FBXL17: variants seen among roughly 807,000 people sequenced by gnomAD.
The protein encoded by FBXL17 is F-box/LRR-repeat protein 17.
A neutral mutation model predicts 66.2 loss-of-function variants in FBXL17; 22 were observed. That is an observed-to-expected ratio of 0.33 (90% confidence interval 0.24 to 0.47). The LOEUF (loss-of-function observed/expected upper bound fraction) is 0.47. Ranked by LOEUF, FBXL17 falls within the 20% of genes least tolerant of loss-of-function variation. The pLI is 1.00. For missense variants in FBXL17, 878 were observed against 948.2 expected, an observed-to-expected ratio of 0.93 and a Z score of 0.97; for synonymous variants, 474 against 400.5, an observed-to-expected ratio of 1.18 and a Z score of -2.19.
chr5:107,937,504 G>A lies in FBXL17; in HGVS notation c.1823-56325C>T, dbSNP rs559357016. Among the ~76,000 whole-genome samples, 8 of 152,226 alleles carry A rather than the reference G, an allele frequency of 5.3e-5. No individual in the cohort carries two copies. The East Asian group carries it at 1.4e-3, about 26-fold the overall frequency. On this transcript the variant is annotated intron_variant, in intron 7 of 8. Transcript: ENST00000542267. ...ACACAGAAAAACAGGCCATGATTAC[G>A]GATCTTACTGCAGAGTAAATCCAGT...
In FBXL17 at chr5:108,106,436, C is replaced by CAT. The variant is rs574873410; in HGVS notation, c.1745+79679_1745+79680dup. Among the ~76,000 whole-genome samples, 14 of 152,204 alleles carry CAT rather than the reference C, an allele frequency of 9.2e-5. No homozygotes were observed. In the South Asian group the frequency reaches 2.9e-3, roughly 32 times the overall value. On this transcript the variant is annotated intron_variant, in intron 6 of 8. Transcript: ENST00000542267. ...GGTATATATCCAAGAGAAATGGAAACATATGTCCACACCAAAATGTATATA... is the reference window on the plus strand; with the variant it reads ...GGTATATATCCAAGAGAAATGGAAACATATATGTCCACACCAAAATGTATATA...
At chr5:108,178,208 C>G (rs1056608686) in intron 6 of FBXL17, among the ~76,000 whole-genome samples, 2 of 151,854 alleles carry the variant, frequency 1.3e-5, no homozygotes, top group Non-Finnish European at 1.5e-5. Flanking sequence ...TCATGCCCGG[C>G]TATTTTTTAA....
At chr5:107,888,038 A>T (rs79916005) in intron 7 of FBXL17, among the ~76,000 whole-genome samples, 1,876 of 152,290 alleles carry the variant, frequency 0.012, 42 homozygotes, top group African/African-American at 0.04. Context: ...ACTTCTAATT[A>T]ATGTCCTTTC....
intron 6 of FBXL17, among the ~76,000 whole-genome samples, chr5:108,021,824 A>G (rs566410144): frequency 6.6e-6 from 1 of 152,006 alleles, no homozygotes; most frequent in East Asian, 1.9e-4. Flanking sequence ...GCACCCTTCA[A>G]TGCAGTCCCT....
intron 3 of FBXL17, among the ~76,000 whole-genome samples, chr5:108,351,308 C>A (rs1048653105): frequency 6.6e-6 from 1 of 152,098 alleles, no homozygotes; most frequent in Admixed American, 6.5e-5. Context: ...AAATCCTTAT[C>A]TTTGATACAA....
chr5:108,014,522 T>A (rs58805667), intron 7 of FBXL17, among the ~76,000 whole-genome samples: 17,810 of 152,162 alleles, frequency 0.12, 1,341 homozygotes, highest in East Asian at 0.18. Context: ...CTCAATAGAT[T>A]TGACATTTGT....
chr5:108,297,614 T>A (rs1758401796), intron 4 of FBXL17: 1 of 160,436 alleles, frequency 6.2e-6, no homozygotes, highest in Non-Finnish European at 1.3e-5. Context: ...AACGAGAATT[T>A]TAAGAATCAT....
intron 3 of FBXL17, among the ~76,000 whole-genome samples, chr5:108,361,933 A>G (rs1368095228): frequency 6.6e-6 from 1 of 152,126 alleles, no homozygotes; most frequent in Non-Finnish European, 1.5e-5. Flanking sequence ...ACTGTTGCCA[A>G]GCTGGGGAAT....
chr5:108,014,745 A>G (rs1238914131), intron 7 of FBXL17, among the ~76,000 whole-genome samples: 11 of 152,224 alleles, frequency 7.2e-5, no homozygotes. Context: ...GTCCGCTTTC[A>G]TGCTGCTGAT....
chr5:107,881,565 G>C (rs1203608526), intron 7 of FBXL17, among the ~76,000 whole-genome samples: 1 of 151,924 alleles, frequency 6.6e-6, no homozygotes, highest in East Asian at 1.9e-4. Flanking sequence ...TTTTAAAGAA[G>C]AACCCACGTA....
At chr5:108,316,004 T>C (rs562091527) in intron 4 of FBXL17, among the ~76,000 whole-genome samples, 1 of 151,636 alleles carries the variant, frequency 6.6e-6, no homozygotes, top group East Asian at 1.9e-4. Context: ...TGCACATACC[T>C]TGATGATGAG....
intron 6 of FBXL17, among the ~76,000 whole-genome samples, chr5:108,183,707 C>T (rs1022753252): frequency 1.3e-5 from 2 of 152,002 alleles, no homozygotes; most frequent in African/African-American, 4.8e-5. Context: ...AGTTTTTATC[C>T]CTCGCCCCCT....
intron 7 of FBXL17, among the ~76,000 whole-genome samples, chr5:107,914,448 G>A (rs764300827): frequency 6.6e-6 from 1 of 152,138 alleles, no homozygotes; most frequent in African/African-American, 2.4e-5. Flanking sequence ...ACAGGTGCAA[G>A]GAATATTTGC....
chr5:108,329,663 T>G (rs1580827217), intron 4 of FBXL17, among the ~76,000 whole-genome samples: 1 of 152,184 alleles, frequency 6.6e-6, no homozygotes, highest in Non-Finnish European at 1.5e-5. Flanking sequence ...CAAGTCATTG[T>G]AATGAGTACA....
chr5:108,068,184 G>A (rs543860272), intron 6 of FBXL17, among the ~76,000 whole-genome samples: 185 of 152,112 alleles, frequency 1.2e-3, no homozygotes, highest in African/African-American at 4.1e-3. Flanking sequence ...CTTTTATTGC[G>A]TATATGAAAT....
At chr5:108,257,602 G>C (rs540679893) in intron 4 of FBXL17, among the ~76,000 whole-genome samples, 1 of 152,202 alleles carries the variant, frequency 6.6e-6, no homozygotes, top group East Asian at 1.9e-4. Flanking sequence ...CAGCAGCTGT[G>C]ATGTAATCTT....
intron 6 of FBXL17, among the ~76,000 whole-genome samples, chr5:108,074,114 G>C (rs1748450142): frequency 6.6e-6 from 1 of 152,090 alleles, no homozygotes; most frequent in Non-Finnish European, 1.5e-5. Flanking sequence ...GTATAAAACT[G>C]TACCCCACTG....
chr5:107,892,949 TTC>T (rs1352675916), intron 7 of FBXL17, among the ~76,000 whole-genome samples: 1 of 152,218 alleles, frequency 6.6e-6, no homozygotes, highest in Admixed American at 6.5e-5. Flanking sequence ...ATTTTCTATA[TTC>T]TGTTTTCGAT....
intron 4 of FBXL17, among the ~76,000 whole-genome samples, chr5:108,250,947 A>G (rs1051128978): frequency 5.9e-5 from 9 of 152,196 alleles, no homozygotes; most frequent in African/African-American, 1.4e-4. Flanking sequence ...GTATTCTATC[A>G]CATGAAAATA....
Sources: gnomAD v4.1 joint callset for allele counts (sites outside exome capture counted in the v4.1 genomes callset) on GRCh38, gnomAD v4.1.1 for gene constraint, MANE v1.5 for transcripts, NCBI Gene and HGNC (gene_info 2026-07-23, HGNC 2026-07-21) for gene names.